Variants in SEC31A observed in about 807,000 individuals in gnomAD.
SEC31A encodes SEC31 homolog A, COPII component.
Under a neutral mutation model 151.0 loss-of-function variants are expected in SEC31A, and 70 were observed. The ratio of observed to expected loss-of-function variants is 0.46; its 90% CI spans 0.38 to 0.57. The LOEUF is 0.57. Among genes scored for constraint, SEC31A ranks in the 20% least tolerant of loss-of-function variants. The probability of loss-of-function intolerance (pLI) is 0.00; values close to 1 mark genes in which losing one functional copy is unlikely to be tolerated. For synonymous variants in SEC31A, 475 were observed against 505.9 expected, an observed-to-expected ratio of 0.94 and a Z score of 0.82; for missense variants, 1,330 against 1,471.2, an observed-to-expected ratio of 0.90 and a Z score of 1.57.
intron 11 of SEC31A, 99 bp from the exon 12 acceptor site, chr4:82,863,491 T>C (rs1734622024): frequency 1.5e-6 from 1 of 667,352 alleles, no homozygotes; most frequent in African/African-American, 1.9e-5. Flanking sequence ...ATTAAAAATA[T>C]CTGAAGTCTA....
At chr4:82,823,087 C>T (rs1217926828) in intron 25 of SEC31A, among the ~76,000 whole-genome samples, 1 of 152,200 alleles carries the variant, frequency 6.6e-6, no homozygotes, top group Non-Finnish European at 1.5e-5. Context: ...CAACTAATTA[C>T]AGAAATTATA....
intron 17 of SEC31A, among the ~76,000 whole-genome samples, 200 bp downstream of exon 17, chr4:82,854,703 T>C (rs1732233680): frequency 2.3e-5 from 3 of 128,604 alleles, no homozygotes; most frequent in Admixed American, 1.8e-4. Context: ...CCAAAATCAC[T>C]AGTAGATTTA....
At chr4:82,890,587 G>A (rs1742121487) in intron 1 of SEC31A, 1 of 259,898 alleles carries the variant, frequency 3.8e-6, no homozygotes, top group African/African-American at 2.3e-5. Flanking sequence ...GGCTGCGCCT[G>A]GCTACCACCG....
intron 1 of SEC31A, among the ~76,000 whole-genome samples, chr4:82,888,070 C>CAAACAAACA (rs775429405): frequency 3.0e-5 from 4 of 131,364 alleles, no homozygotes; most frequent in Non-Finnish European, 6.5e-5. Flanking sequence ...AACAAACAAA[C>CAAACAAACA]AACAACAAAA....
At chr4:82,865,543 T>TAC (rs1735141157) in intron 10 of SEC31A, among the ~76,000 whole-genome samples, 1 of 3,120 alleles carries the variant, frequency 3.2e-4, no homozygotes, top group Non-Finnish European at 5.8e-4. Context: ...GTGGTATATA[T>TAC]ATATATATAT....
chr4:82,829,123 C>A (rs949603332), intron 22 of SEC31A, 65 bp from the exon 23 acceptor site: 6 of 1,325,250 alleles, frequency 4.5e-6, no homozygotes, highest in Non-Finnish European at 6.5e-6. Flanking sequence ...AAAACTGAAT[C>A]GATCACCTAA....
At chr4:82,870,290 G>C (rs1188010833) in intron 8 of SEC31A, 35 bp downstream of exon 8, 1 of 1,498,540 alleles carries the variant, frequency 6.7e-7, no homozygotes, top group Admixed American at 1.7e-5. Context: ...CATACTATAA[G>C]GGCTACAAGG....
At chr4:82,867,394 G>C in intron 8 of SEC31A, 78 bp from the exon 9 acceptor site, 1 of 1,212,464 alleles carries the variant, frequency 8.2e-7, no homozygotes, top group African/African-American at 1.5e-5. Flanking sequence ...GAATTAATGT[G>C]GTCAACAAGT....
At chr4:82,824,532 G>T in intron 25 of SEC31A, 23 bp downstream of exon 25, 1 of 1,605,976 alleles carries the variant, frequency 6.2e-7, no homozygotes, top group Non-Finnish European at 8.5e-7. Context: ...AGCAAAATAT[G>T]ATTTAAAAAA....
At chr4:82,845,249 A>AG (rs1261474090) in intron 20 of SEC31A, 1 of 1,534,806 alleles carries the variant, frequency 6.5e-7, no homozygotes, top group African/African-American at 1.4e-5. Context: ...GAAGGGCAGT[A>AG]GGAGTTTTGT....
At chr4:82,828,130 G>T (rs1435112918) in intron 23 of SEC31A, among the ~76,000 whole-genome samples, 1 of 152,126 alleles carries the variant, frequency 6.6e-6, no homozygotes, top group East Asian at 1.9e-4. Flanking sequence ...GGCCAGGCTG[G>T]TCTAGAACTC....
rs761296181 is a variant in SEC31A at position 82,863,412 on chromosome 4, T to G, written c.1435-20A>C. ...GTTTACCTTTAAAAAAAAAGACATA[T>G]TCTTAAAACAAAGACCTACATTTAA... On this transcript the variant is annotated intron_variant, in intron 11 of 26. Coordinates refer to ENST00000395310, the MANE Select transcript of SEC31A (RefSeq NM_001077207.4). 15 of 1,487,066 alleles carry G rather than the reference T, an allele frequency of 1.0e-5. No individual in the cohort carries two copies. The highest frequency in any genetic ancestry group is 4.3e-5 in the African/African-American group (3 of 69,750). 92.1% of individuals were successfully genotyped at this position (1,487,066 alleles called of 1,614,324 possible).
chr4:82,844,250 G>A (rs1729558257), intron 21 of SEC31A, 136 bp downstream of exon 21: 1 of 895,250 alleles, frequency 1.1e-6, no homozygotes. Context: ...ATGTCTCTTT[G>A]TAGCAGGGAC....
chr4:82,824,558 G>A lies in SEC31A; in HGVS notation c.3408C>T (p.Asp1136=). Residue 1136 remains aspartate, a synonymous_variant, in exon 25 of 27, where the codon GAC becomes GAT. Transcript: ENST00000395310. Reference sequence around the variant, plus strand: ...ATTTAAAAAAATAAATACATACAGGGTCTGTTGCTGAAGAAAGGCAGCGCT... The same window carrying A: ...ATTTAAAAAAATAAATACATACAGGATCTGTTGCTGAAGAAAGGCAGCGCT... The part of the protein sequence containing the change: ...LIQRCLSSAT[D]PQTKRKLDDA... 1 of 1,613,116 alleles carries A rather than the reference G, an allele frequency of 6.2e-7. No homozygotes were observed. Among genetic ancestry groups the A allele is most frequent in the Non-Finnish European group, 8.5e-7 (1 of 1,179,694 alleles).
At chr4:82,844,316 C>A in intron 21 of SEC31A, 70 bp downstream of exon 21, 1 of 1,511,642 alleles carries the variant, frequency 6.6e-7, no homozygotes, top group South Asian at 1.2e-5. Flanking sequence ...GACTTTGGGG[C>A]TTCAAAGTAA....
At chr4:82,868,304 GCATGGGGAA>G (rs1735840254) in intron 8 of SEC31A, among the ~76,000 whole-genome samples, 1 of 151,910 alleles carries the variant, frequency 6.6e-6, no homozygotes, top group Non-Finnish European at 1.5e-5. Flanking sequence ...TTCAAGACCA[GCATGGGGAA>G]CATGGCAAAA....
upstream of SEC31A, among the ~76,000 whole-genome samples, chr4:82,892,357 G>T (rs1238090007): frequency 6.6e-6 from 1 of 152,206 alleles, no homozygotes; most frequent in Non-Finnish European, 1.5e-5. Flanking sequence ...AATTAAAACT[G>T]AAAGACGTTG....
chr4:82,877,151 C>T (rs1015164716), intron 4 of SEC31A, among the ~76,000 whole-genome samples: 1 of 151,962 alleles, frequency 6.6e-6, no homozygotes, highest in Non-Finnish European at 1.5e-5. Flanking sequence ...CTTGCTTGAG[C>T]CCAGGAGGTC....
intron 20 of SEC31A, 93 bp downstream of exon 20, chr4:82,848,711 T>A: frequency 2.9e-6 from 3 of 1,041,252 alleles, no homozygotes; most frequent in Non-Finnish European, 4.2e-6. Flanking sequence ...AGTTTTACCA[T>A]ATCAGAGAAG....
Sources: gnomAD v4.1 joint callset for allele counts (sites outside exome capture counted in the v4.1 genomes callset) on GRCh38, gnomAD v4.1.1 for gene constraint, MANE v1.5 for transcripts, NCBI Gene and HGNC (gene_info 2026-07-23, HGNC 2026-07-21) for gene names.